SMURF1: variants seen among roughly 807,000 people sequenced by gnomAD.
SMURF1 encodes the protein SMAD specific E3 ubiquitin protein ligase 1, also known as E3 ubiquitin-protein ligase SMURF1.
A neutral mutation model predicts 98.0 loss-of-function variants in SMURF1; 44 were observed. The observed-to-expected ratio is 0.45, with a 90% confidence interval of 0.35 to 0.58. The LOEUF (loss-of-function observed/expected upper bound fraction) is 0.58. SMURF1 is among the 20% of genes least tolerant of loss of function. The probability of loss-of-function intolerance (pLI) is 0.00; values close to 1 mark genes in which losing one functional copy is unlikely to be tolerated. For synonymous variants in SMURF1, 396 were observed against 374.9 expected (o/e 1.06, Z -0.65); for missense variants, 687 against 938.4 (o/e 0.73, Z 3.50).
rs905450363 is a variant in SMURF1, at chr7:99,028,244, G to A, written c.*2340C>T. 2 of 152,578 alleles carry A rather than the reference G, an allele frequency of 1.3e-5. No individual in the cohort carries two copies. The highest frequency in any genetic ancestry group is 2.9e-5 in the Non-Finnish European group (2 of 68,084). 9.5% of individuals were successfully genotyped at this position (152,578 alleles called of 1,614,324 possible). On this transcript the variant is annotated 3_prime_UTR_variant, in exon 18 of 18. Coordinates refer to ENST00000361368, the MANE Select transcript of SMURF1 (RefSeq NM_181349.3). Reference sequence around the variant, plus strand: ...TTTGCTTTGCCATGTTGAGTTCTTTGGGGTGGTTCAAAAGGACCAAACAAA... The same window carrying A: ...TTTGCTTTGCCATGTTGAGTTCTTTAGGGTGGTTCAAAAGGACCAAACAAA...
At chr7:99,042,697 C>A (rs1795433309) in intron 11 of SMURF1, among the ~76,000 whole-genome samples, 1 of 152,240 alleles carries the variant, frequency 6.6e-6, no homozygotes, top group Non-Finnish European at 1.5e-5. Context: ...GGTTCAGTGG[C>A]TACACTCAGG....
chr7:99,121,359 G>A (rs145088114), intron 1 of SMURF1, among the ~76,000 whole-genome samples: 160 of 151,900 alleles, frequency 1.1e-3, no homozygotes, highest in African/African-American at 3.6e-3. Flanking sequence ...CTTACCCAAT[G>A]TTCCATTCCC....
intron 1 of SMURF1, among the ~76,000 whole-genome samples, chr7:99,078,567 G>C (rs1796514925): frequency 6.6e-6 from 1 of 150,954 alleles, no homozygotes; most frequent in Non-Finnish European, 1.5e-5. Context: ...CAGCCAGCAA[G>C]CAAGCGAAGC....
At chr7:99,081,169 T>C (rs990869198) in intron 1 of SMURF1, 3 of 152,268 alleles carry the variant, frequency 2.0e-5, no homozygotes, top group Non-Finnish European at 4.4e-5. Flanking sequence ...AGCATTTTTG[T>C]CTTTCCACAA....
At chr7:99,060,199 G>A (rs994177987) in intron 3 of SMURF1, among the ~76,000 whole-genome samples, 1 of 151,892 alleles carries the variant, frequency 6.6e-6, no homozygotes, top group Non-Finnish European at 1.5e-5. Context: ...CCAACATGGT[G>A]AAACCCCATC....
chr7:99,122,616 C>T (rs1797660337), intron 1 of SMURF1, among the ~76,000 whole-genome samples: 1 of 146,924 alleles, frequency 6.8e-6, no homozygotes, highest in Non-Finnish European at 1.5e-5. Context: ...TGCACTCCAG[C>T]CTGGGTGACA....
At chr7:99,059,092 A>T (rs867511791) in intron 3 of SMURF1, among the ~76,000 whole-genome samples, 8 of 151,248 alleles carry the variant, frequency 5.3e-5, no homozygotes, top group South Asian at 4.2e-4. Flanking sequence ...TGAAAAAAAA[A>T]TTTAATTTAA....
At chr7:99,049,537 A>G in intron 9 of SMURF1, 26 bp downstream of exon 9, 1 of 1,605,734 alleles carries the variant, frequency 6.2e-7, no homozygotes, top group Non-Finnish European at 8.5e-7. Flanking sequence ...GAAAGAGGTC[A>G]GCAAAAAATA....
At chr7:99,097,127 A>T (rs974704793) in intron 1 of SMURF1, among the ~76,000 whole-genome samples, 5 of 152,180 alleles carry the variant, frequency 3.3e-5, no homozygotes, top group African/African-American at 1.2e-4. Context: ...CTTAGAATGA[A>T]ATTTATAAGA....
intron 1 of SMURF1, among the ~76,000 whole-genome samples, chr7:99,143,139 T>G: frequency 1.0e-4 from 6 of 58,576 alleles, no homozygotes; most frequent in African/African-American, 1.4e-4. Flanking sequence ...GACAGAAAGT[T>G]AGGAGGCGGG....
chr7:99,135,753 A>C (rs1797977719), intron 1 of SMURF1, among the ~76,000 whole-genome samples: 1 of 152,266 alleles, frequency 6.6e-6, no homozygotes, highest in Admixed American at 6.5e-5. Context: ...ATAAGAAAAA[A>C]GTCCTACATG....
intron 1 of SMURF1, among the ~76,000 whole-genome samples, chr7:99,084,115 A>G (rs1428387475): frequency 6.6e-6 from 1 of 152,188 alleles, no homozygotes; most frequent in Non-Finnish European, 1.5e-5. Context: ...GTGACTTCTG[A>G]AATCCTAGTC....
At chr7:99,110,485 T>C (rs191871799) in intron 1 of SMURF1, among the ~76,000 whole-genome samples, 1 of 152,296 alleles carries the variant, frequency 6.6e-6, no homozygotes, top group Non-Finnish European at 1.5e-5. Context: ...AGCCCGTGAA[T>C]ATATGAAAGG....
At chr7:99,112,412 G>A (rs1797345290) in intron 1 of SMURF1, among the ~76,000 whole-genome samples, 1 of 152,178 alleles carries the variant, frequency 6.6e-6, no homozygotes, top group South Asian at 2.1e-4. Context: ...GTGGAAGAGA[G>A]GCCTCTGTGG....
At chr7:99,045,827 A>G in intron 10 of SMURF1, 26 bp from the exon 11 acceptor site, 1 of 1,529,450 alleles carries the variant, frequency 6.5e-7, no homozygotes, top group Non-Finnish European at 9.1e-7. Flanking sequence ...ACAGTTTCAG[A>G]GAGAAGAACA....
At chr7:99,062,422 C>A (rs139884529) in intron 1 of SMURF1, among the ~76,000 whole-genome samples, 1 of 152,156 alleles carries the variant, frequency 6.6e-6, no homozygotes, top group East Asian at 1.9e-4. Flanking sequence ...ATTTTTTATT[C>A]TGATAAGTAA....
At chr7:99,061,686 T>G (rs2150542670) in intron 2 of SMURF1, 113 bp downstream of exon 2, 2 of 718,044 alleles carry the variant, frequency 2.8e-6, no homozygotes, top group South Asian at 5.3e-5. Context: ...TGGATTTCTA[T>G]TAAGTAAAGG....
intron 1 of SMURF1, among the ~76,000 whole-genome samples, chr7:99,088,695 T>G (rs6975658): frequency 6.6e-6 from 1 of 152,222 alleles, no homozygotes; most frequent in South Asian, 2.1e-4. Context: ...GAAGGTAGTT[T>G]GTTTGTTTTT....
At chr7:99,044,443 A>T (rs920350452) in intron 11 of SMURF1, among the ~76,000 whole-genome samples, 2 of 152,268 alleles carry the variant, frequency 1.3e-5, no homozygotes, top group African/African-American at 4.8e-5. Flanking sequence ...ATAAACTTTC[A>T]TCCCTTTACA....
Sources: allele counts gnomAD v4.1 joint callset (sites outside exome capture counted in the v4.1 genomes callset), GRCh38; gene constraint gnomAD v4.1.1; transcripts MANE v1.5; gene names NCBI Gene and HGNC (gene_info 2026-07-23, HGNC 2026-07-21).